IL1RAPL2: variants seen among roughly 807,000 people sequenced by gnomAD.
IL1RAPL2 encodes X-linked interleukin-1 receptor accessory protein-like 2.
IL1RAPL2 carries 3 observed loss-of-function variants against 44.1 expected under a neutral mutation model. That is an observed-to-expected ratio of 0.07 (90% CI 0.03 to 0.18). IL1RAPL2 has a LOEUF of 0.18. Ranked by LOEUF, IL1RAPL2 falls within the 10% of genes least tolerant of loss-of-function variation. The pLI is 1.00. For missense variants in IL1RAPL2, 391 were observed against 496.4 expected, an observed-to-expected ratio of 0.79 and a Z score of 2.02; for synonymous variants, 181 against 178.8, an observed-to-expected ratio of 1.01 and a Z score of -0.10.
chrX:104,869,215 TA>T (rs1212864290), intron 2 of IL1RAPL2, among the ~76,000 whole-genome samples: 1 of 111,378 alleles, frequency 9.0e-6, no homozygotes, highest in African/African-American at 3.3e-5. Flanking sequence ...TTTTATTTTT[TA>T]TTATTTTAAT....
intron 2 of IL1RAPL2, among the ~76,000 whole-genome samples, chrX:104,997,670 A>G (rs1031549633): frequency 4.5e-5 from 5 of 111,905 alleles, no homozygotes; most frequent in Non-Finnish European, 7.5e-5. Flanking sequence ...TATGATGTTT[A>G]TGGTAGGTAG....
chrX:105,323,071 A>T (rs1026139021), intron 5 of IL1RAPL2, among the ~76,000 whole-genome samples: 1 of 112,132 alleles, frequency 8.9e-6, no homozygotes, highest in Non-Finnish European at 1.9e-5. Flanking sequence ...AGAACCACTG[A>T]TGGACCAGAT....
At chrX:105,058,505 A>G (rs961250995) in intron 2 of IL1RAPL2, among the ~76,000 whole-genome samples, 15 of 112,555 alleles carry the variant, frequency 1.3e-4, no homozygotes, top group Non-Finnish European at 5.6e-5. Context: ...TTACCTGAAC[A>G]TATGTGGAAA....
intron 2 of IL1RAPL2, among the ~76,000 whole-genome samples, chrX:105,071,605 T>C (rs2032207593): frequency 8.9e-6 from 1 of 112,058 alleles, no homozygotes; most frequent in South Asian, 3.7e-4. Context: ...CATCATTCTA[T>C]CTGATCTGAA....
At chrX:105,122,693 T>C (rs2032937073) in intron 2 of IL1RAPL2, among the ~76,000 whole-genome samples, 2 of 112,041 alleles carry the variant, frequency 1.8e-5, no homozygotes, top group South Asian at 7.4e-4. Context: ...AAAATGTATT[T>C]AGGTAAGTCT....
At chrX:105,179,288 T>C (rs915805783) in intron 2 of IL1RAPL2, among the ~76,000 whole-genome samples, 3 of 112,434 alleles carry the variant, frequency 2.7e-5, no homozygotes, top group African/African-American at 9.7e-5. Flanking sequence ...TTGTCAAAGA[T>C]CATTTGTCTT....
chrX:105,426,016 G>GTTT (rs749722375), intron 5 of IL1RAPL2, among the ~76,000 whole-genome samples: 1 of 89,588 alleles, frequency 1.1e-5, no homozygotes, highest in Non-Finnish European at 2.2e-5. Context: ...TATTTTTTCT[G>GTTT]TTTTTTTTTT....
chrX:105,609,137 G>GAA (rs1240281971), intron 6 of IL1RAPL2, among the ~76,000 whole-genome samples: 1 of 109,772 alleles, frequency 9.1e-6, no homozygotes, highest in African/African-American at 3.3e-5. Flanking sequence ...ATTTTAGAAA[G>GAA]AAAAAAAAAT....
At chrX:105,146,458 A>G (rs2033180338) in intron 2 of IL1RAPL2, among the ~76,000 whole-genome samples, 1 of 111,463 alleles carries the variant, frequency 9.0e-6, no homozygotes, top group Non-Finnish European at 1.9e-5. Context: ...AGTTTACCAA[A>G]TTTTCTTATA....
At chrX:105,324,319 A>G (rs1160125264) in intron 5 of IL1RAPL2, among the ~76,000 whole-genome samples, 1 of 111,464 alleles carries the variant, frequency 9.0e-6, no homozygotes, top group Non-Finnish European at 1.9e-5. Flanking sequence ...TGTACTGCAC[A>G]TTCTCCATGT....
At chrX:105,704,593 G>C (rs1040262132) in intron 6 of IL1RAPL2, among the ~76,000 whole-genome samples, 3 of 111,484 alleles carry the variant, frequency 2.7e-5, no homozygotes, top group Non-Finnish European at 3.8e-5. Context: ...GGGAATCTTT[G>C]TTCTAAAGAA....
chrX:104,686,028 T>C (rs1209606557), intron 2 of IL1RAPL2, among the ~76,000 whole-genome samples: 1 of 111,275 alleles, frequency 9.0e-6, no homozygotes, highest in African/African-American at 3.3e-5. Context: ...GCTCAATAGA[T>C]GGCAGTTGTT....
intron 2 of IL1RAPL2, among the ~76,000 whole-genome samples, chrX:104,810,589 G>T (rs983100910): frequency 9.0e-6 from 1 of 110,954 alleles, no homozygotes; most frequent in Non-Finnish European, 1.9e-5. Context: ...ATATGGAACA[G>T]AGACACAACT....
chrX:105,389,666 T>C (rs1469364163), intron 5 of IL1RAPL2, among the ~76,000 whole-genome samples: 1 of 111,786 alleles, frequency 8.9e-6, no homozygotes, highest in Non-Finnish European at 1.9e-5. Flanking sequence ...TTCACTTTGC[T>C]CTGTCTGGAT....
intron 7 of IL1RAPL2, among the ~76,000 whole-genome samples, chrX:105,720,318 A>G (rs1236296138): frequency 9.0e-6 from 1 of 110,851 alleles, no homozygotes; most frequent in Non-Finnish European, 1.9e-5. Flanking sequence ...TGAAGATAAC[A>G]TATTAATCAC....
intron 5 of IL1RAPL2, among the ~76,000 whole-genome samples, chrX:105,450,988 G>GT (rs960015408): frequency 9.2e-6 from 1 of 108,434 alleles, no homozygotes; most frequent in Non-Finnish European, 1.9e-5. Flanking sequence ...TGATATGAGG[G>GT]TTTTTTCCCC....
intron 1 of IL1RAPL2, among the ~76,000 whole-genome samples, chrX:104,652,115 T>C (rs191110028): frequency 3.6e-3 from 403 of 112,284 alleles, no homozygotes; most frequent in Non-Finnish European, 6.4e-3. Context: ...ACTTTCACAA[T>C]TGATTGAGAA....
intron 1 of IL1RAPL2, among the ~76,000 whole-genome samples, chrX:104,611,494 C>A (rs759942133): frequency 9.0e-6 from 1 of 110,794 alleles, no homozygotes; most frequent in Non-Finnish European, 1.9e-5. Context: ...ACGCCCCTCC[C>A]GTCTCCAAGC....
At chrX:104,929,883 A>G (rs1403805520) in intron 2 of IL1RAPL2, among the ~76,000 whole-genome samples, 2 of 112,219 alleles carry the variant, frequency 1.8e-5, no homozygotes, top group Non-Finnish European at 3.8e-5. Context: ...CTGTATCCAA[A>G]CATAGCTTGT....
Sources: gnomAD v4.1 joint callset for allele counts (sites outside exome capture counted in the v4.1 genomes callset) on GRCh38, gnomAD v4.1.1 for gene constraint, MANE v1.5 for transcripts, NCBI Gene and HGNC (gene_info 2026-07-23, HGNC 2026-07-21) for gene names.